The following SLC38A12 variants were observed in gnomAD, a reference collection of about 807,000 sequenced individuals.
The protein encoded by SLC38A12 is putative sodium-coupled neutral amino acid transporter 12.
chr17:74,777,469 C>T, the SLC38A12 span: 28 of 1,589,558 alleles, frequency 1.8e-5, no homozygotes, highest in Middle Eastern at 1.7e-4. Context: ...GTGAGTGCTG[C>T]TGCTTGAGCA....
chr17:74,818,387 C>CCTTT, the SLC38A12 span, among the ~76,000 whole-genome samples: 1 of 152,242 alleles, frequency 6.6e-6, no homozygotes, highest in African/African-American at 2.4e-5. Flanking sequence ...GTCGCCTTCT[C>CCTTT]TAGCCCAGCT....
the SLC38A12 span, among the ~76,000 whole-genome samples, chr17:74,782,211 G>T: frequency 6.6e-6 from 1 of 152,154 alleles, no homozygotes; most frequent in African/African-American, 2.4e-5. Flanking sequence ...GGGATTACAG[G>T]CGTGCACCAT....
At chr17:74,790,069 T>C in the SLC38A12 span, 1 of 678,402 alleles carries the variant, frequency 1.5e-6, no homozygotes, top group Non-Finnish European at 2.6e-6. Context: ...TCCTCCCATC[T>C]CAGCCTCCCA....
At chr17:74,788,843 C>T in the SLC38A12 span, 1 of 1,613,522 alleles carries the variant, frequency 6.2e-7, no homozygotes, top group Admixed American at 1.7e-5. Flanking sequence ...ACGCGCAGCT[C>T]CACTGGAAGA....
the SLC38A12 span, among the ~76,000 whole-genome samples, chr17:74,792,752 C>T: frequency 0.03 from 4,529 of 152,324 alleles, 230 homozygotes; most frequent in African/African-American, 0.1. Flanking sequence ...AGCCAAAGGC[C>T]GCCCTAGGGC....
At chr17:74,809,037 A>C in the SLC38A12 span, among the ~76,000 whole-genome samples, 1 of 152,132 alleles carries the variant, frequency 6.6e-6, no homozygotes, top group Non-Finnish European at 1.5e-5. Context: ...CTTTTTCACC[A>C]TCAAGGGGTT....
the SLC38A12 span, among the ~76,000 whole-genome samples, chr17:74,802,152 T>G: frequency 2.6e-5 from 4 of 152,176 alleles, no homozygotes; most frequent in African/African-American, 9.7e-5. Flanking sequence ...GTGCCCATGC[T>G]TTCTCCTCCT....
chr17:74,811,953 G>A, the SLC38A12 span, among the ~76,000 whole-genome samples: 1 of 151,960 alleles, frequency 6.6e-6, no homozygotes, highest in African/African-American at 2.4e-5. Context: ...GGCTTAGGCG[G>A]GCAGATCGCT....
the SLC38A12 span, among the ~76,000 whole-genome samples, chr17:74,810,644 T>A: frequency 6.6e-6 from 1 of 152,134 alleles, no homozygotes; most frequent in Non-Finnish European, 1.5e-5. Context: ...ACAAATCCCA[T>A]CCCCTCCCAG....
the SLC38A12 span, among the ~76,000 whole-genome samples, chr17:74,816,573 A>AGAGGATCT: frequency 2.6e-5 from 4 of 152,252 alleles, no homozygotes; most frequent in African/African-American, 9.6e-5. Context: ...CCAAAAAGAA[A>AGAGGATCT]GAGGATCTGA....
chr17:74,817,092 T>C, the SLC38A12 span, among the ~76,000 whole-genome samples: 3 of 146,884 alleles, frequency 2.0e-5, no homozygotes, highest in African/African-American at 7.5e-5. Context: ...CCTCATCCTT[T>C]GTCACTCCGG....
At chr17:74,778,100 C>T in the SLC38A12 span, among the ~76,000 whole-genome samples, 2 of 152,222 alleles carry the variant, frequency 1.3e-5, no homozygotes, top group South Asian at 2.1e-4. Context: ...TAAGAAGCAG[C>T]GAAAGCATAC....
the SLC38A12 span, chr17:74,837,984 C>A: frequency 1.0e-6 from 1 of 985,836 alleles, no homozygotes; most frequent in Non-Finnish European, 1.2e-6. Flanking sequence ...GAGTTCAGTG[C>A]CTTGCTCAGC....
the SLC38A12 span, among the ~76,000 whole-genome samples, chr17:74,815,066 C>T: frequency 6.6e-6 from 1 of 152,024 alleles, no homozygotes; most frequent in Non-Finnish European, 1.5e-5. Flanking sequence ...AATTTGAGGA[C>T]GGGGTGTCAG....
At chr17:74,836,931 C>T in the SLC38A12 span, 2 of 1,344,386 alleles carry the variant, frequency 1.5e-6, no homozygotes, top group African/African-American at 1.5e-5. This position sits in a 1 kb window ranked among gnomAD's most constrained non-coding sequence, Gnocchi z 4.2. Flanking sequence ...CGTGGCTGCT[C>T]CCAAGTTCTA....
chr17:74,835,019 C>T, the SLC38A12 span, among the ~76,000 whole-genome samples: 8 of 152,346 alleles, frequency 5.3e-5, no homozygotes, highest in East Asian at 1.4e-3. Flanking sequence ...GCCTGGAGGG[C>T]GTGCTGTGAG....
At chr17:74,808,960 C>T in the SLC38A12 span, among the ~76,000 whole-genome samples, 1 of 152,192 alleles carries the variant, frequency 6.6e-6, no homozygotes, top group Non-Finnish European at 1.5e-5. Flanking sequence ...GGCACCTTCC[C>T]CCACATGCCT....
the SLC38A12 span, among the ~76,000 whole-genome samples, chr17:74,806,899 C>T: frequency 6.6e-6 from 1 of 152,344 alleles, no homozygotes; most frequent in Middle Eastern, 3.4e-3. Flanking sequence ...TCACAGCCCC[C>T]TCCCTGGTGT....
the SLC38A12 span, chr17:74,795,575 T>C: frequency 3.7e-6 from 6 of 1,614,060 alleles, no homozygotes; most frequent in African/African-American, 5.3e-5. Flanking sequence ...CCAAATACAA[T>C]GACACTGACC....
Sources: allele counts gnomAD v4.1 joint callset (sites outside exome capture counted in the v4.1 genomes callset), GRCh38; gene constraint gnomAD v4.1.1; non-coding constraint Gnocchi (gnomAD v3.1); transcripts MANE v1.5; gene names NCBI Gene and HGNC (gene_info 2026-07-23, HGNC 2026-07-21).